The following LRRC3B variants were observed in gnomAD, a reference collection of about 807,000 sequenced individuals.
LRRC3B encodes the protein leucine rich repeat containing 3B.
A neutral mutation model predicts 12.8 loss-of-function variants in LRRC3B; 2 were observed. The ratio of observed to expected loss-of-function variants is 0.16; its 90% CI spans 0.06 to 0.49. The LOEUF (loss-of-function observed/expected upper bound fraction) is 0.49, where lower values mean the gene tolerates loss of function less well. Ranked by LOEUF, LRRC3B falls within the 20% of genes least tolerant of loss-of-function variation. The pLI, the probability that LRRC3B is intolerant of heterozygous loss-of-function variation, is 0.96. For synonymous variants in LRRC3B, 132 were observed against 122.0 expected (o/e 1.08, Z -0.54); for missense variants, 189 against 319.4 (o/e 0.59, Z 3.11).
At chr3:26,651,121 G>C (rs1041415270) in intron 1 of LRRC3B, among the ~76,000 whole-genome samples, 5 of 152,186 alleles carry the variant, frequency 3.3e-5, no homozygotes, top group South Asian at 4.1e-4. Context: ...TCCATTCCAT[G>C]ATGATCACTG....
chr3:26,685,542 T>G (rs1337957039), intron 1 of LRRC3B, among the ~76,000 whole-genome samples: 6 of 128,418 alleles, frequency 4.7e-5, no homozygotes, highest in Non-Finnish European at 1.0e-4. Flanking sequence ...TATATATATA[T>G]ATATATATAT....
At chr3:26,658,250 G>C (rs1404831526) in intron 1 of LRRC3B, among the ~76,000 whole-genome samples, 1 of 151,990 alleles carries the variant, frequency 6.6e-6, no homozygotes, top group Non-Finnish European at 1.5e-5. Context: ...AGTAGAGACG[G>C]GGTTTCACCA....
At chr3:26,702,112 A>G (rs1315267970) in intron 1 of LRRC3B, among the ~76,000 whole-genome samples, 4 of 152,184 alleles carry the variant, frequency 2.6e-5, no homozygotes, top group Non-Finnish European at 5.9e-5. Flanking sequence ...TAAAATGGGT[A>G]AAACAGTGAC....
chr3:26,636,672 G>A (rs1263376785), intron 1 of LRRC3B, among the ~76,000 whole-genome samples: 2 of 152,024 alleles, frequency 1.3e-5, no homozygotes, highest in African/African-American at 2.4e-5. Flanking sequence ...TGCCAGGGGT[G>A]TTTCTAAATG....
intron 1 of LRRC3B, among the ~76,000 whole-genome samples, chr3:26,686,607 A>G (rs1700093880): frequency 6.6e-6 from 1 of 152,220 alleles, no homozygotes; most frequent in Non-Finnish European, 1.5e-5. Flanking sequence ...TATTCAGCTC[A>G]GAAAAAAAGT....
chr3:26,653,928 A>T (rs1372586949), intron 1 of LRRC3B, among the ~76,000 whole-genome samples: 1 of 152,104 alleles, frequency 6.6e-6, no homozygotes, highest in Non-Finnish European at 1.5e-5. Flanking sequence ...GAAAAAGTTT[A>T]TAATGCCCAT....
intron 1 of LRRC3B, among the ~76,000 whole-genome samples, chr3:26,633,360 T>C (rs1187819362): frequency 6.6e-6 from 1 of 152,212 alleles, no homozygotes; most frequent in East Asian, 1.9e-4. Flanking sequence ...AATAGGTAGT[T>C]GTGAGGCTTA....
chr3:26,646,290 T>C (rs1381537678), intron 1 of LRRC3B, among the ~76,000 whole-genome samples: 1 of 152,150 alleles, frequency 6.6e-6, no homozygotes. Context: ...TTATCTGCTT[T>C]TACTAATTCA....
chr3:26,636,806 TTCCCTCCC>T lies in LRRC3B; in HGVS notation c.-161+13595_-161+13602del, dbSNP rs538189205. ...AACTGGAGAGTGCTGTAGTCTTTCT[TTCCCTCCC>T]TCCCTCCCTCCCTCCCTCCCTCCCT... is the stretch of plus-strand genomic sequence containing the variant. On this transcript the variant is annotated intron_variant, in intron 1 of 1. Coordinates refer to ENST00000396641, the Ensembl canonical transcript of LRRC3B. Among the ~76,000 whole-genome samples the T allele has an allele frequency of 2.5e-4, 20 of 78,610 alleles. 2 individuals are homozygous for T. In the South Asian group the frequency reaches 6.8e-3, roughly 27 times the overall value. 51.6% of individuals were successfully genotyped at this position (78,610 alleles called of 152,430 possible). A position where few individuals can be genotyped will look rare whatever the true frequency, so the allele number is the denominator to read the frequency against.
rs547084358 is a variant in LRRC3B, at chr3:26,665,068, G to T, written c.-161+41831G>T. Among the ~76,000 whole-genome samples, 3 of 151,980 alleles carry T rather than the reference G, an allele frequency of 2.0e-5. No homozygotes were observed. In the South Asian group the frequency reaches 6.2e-4, roughly 32 times the overall value. The stretch of plus-strand genomic sequence containing the variant: ...AGCCTAAGGGCCATCCTACCATAAA[G>T]GTACGGTCAGGCTTTTGGGAGTGAA... On this transcript the variant is annotated intron_variant, in intron 1 of 1. Transcript: ENST00000396641.
chr3:26,636,158 C>T lies in LRRC3B; in HGVS notation c.-161+12921C>T, dbSNP rs568254674. Among the ~76,000 whole-genome samples the T allele has an allele frequency of 3.3e-5, 5 of 152,216 alleles. No homozygotes were observed. The East Asian group carries it at 7.7e-4, about 24-fold the overall frequency. On this transcript the variant is annotated intron_variant, in intron 1 of 1. Transcript: ENST00000396641. ...CATCAAGATCTCTTAGAACCATTCC[C>T]TATAAAGAGATGCTGAGTGGAGCTG...
At chr3:26,652,171 C>A (rs17018481) in intron 1 of LRRC3B, among the ~76,000 whole-genome samples, 11,987 of 152,228 alleles carry the variant, frequency 0.079, 645 homozygotes, top group South Asian at 0.18. Flanking sequence ...GTTTTTCAAC[C>A]AGCTAAGGTA....
intron 1 of LRRC3B, among the ~76,000 whole-genome samples, chr3:26,630,917 G>C (rs1176271877): frequency 1.3e-5 from 2 of 152,108 alleles, no homozygotes; most frequent in African/African-American, 2.4e-5. Flanking sequence ...GGACAGGCCC[G>C]GGCAAATGGT....
intron 1 of LRRC3B, among the ~76,000 whole-genome samples, chr3:26,682,079 C>T (rs1398122033): frequency 6.6e-6 from 1 of 151,070 alleles, no homozygotes; most frequent in African/African-American, 2.4e-5. Context: ...GTGGTCTCTC[C>T]CTCTCTCTCT....
At chr3:26,690,904 A>G (rs1700175041) in intron 1 of LRRC3B, among the ~76,000 whole-genome samples, 1 of 151,780 alleles carries the variant, frequency 6.6e-6, no homozygotes, top group African/African-American at 2.4e-5. Flanking sequence ...TTACATTGCC[A>G]TTGATACTAT....
chr3:26,631,107 T>A (rs1698748013), intron 1 of LRRC3B, among the ~76,000 whole-genome samples: 2 of 152,120 alleles, frequency 1.3e-5, no homozygotes, highest in South Asian at 4.1e-4. Context: ...TGGAAAAGGA[T>A]CCTTTATCAG....
rs1020173058 is a variant in LRRC3B at position 26,688,791 on chromosome 3, G to A, written c.-160-20722G>A. Among the ~76,000 whole-genome samples the A allele has an allele frequency of 2.6e-5, 4 of 152,264 alleles. 1 individual carries two copies. The highest frequency in any genetic ancestry group is 3.9e-4 in the East Asian group (2 of 5,184). On this transcript the variant is annotated intron_variant, in intron 1 of 1. Transcript: ENST00000396641. ...CAATTGAAAATGAGATTTGAGTGGG[G>A]ACACAGATCCAGATCATATCACCAT... is the stretch of plus-strand genomic sequence containing the variant.
At chr3:26,637,323 G>GT (rs1264473644) in intron 1 of LRRC3B, among the ~76,000 whole-genome samples, 1 of 152,182 alleles carries the variant, frequency 6.6e-6, no homozygotes, top group Non-Finnish European at 1.5e-5. Flanking sequence ...AGAAAAATTA[G>GT]TGGTAATTTA....
chr3:26,709,919 A>C, exon 2 of LRRC3B: 3 of 1,614,058 alleles, frequency 1.9e-6, no homozygotes, highest in Non-Finnish European at 2.5e-6. Flanking sequence ...TCCCAATGAA[A>C]TTTTTAAGGA....
Sources: gnomAD v4.1 joint callset for allele counts (sites outside exome capture counted in the v4.1 genomes callset) on GRCh38, gnomAD v4.1.1 for gene constraint, MANE v1.5 for transcripts, NCBI Gene and HGNC (gene_info 2026-07-23, HGNC 2026-07-21) for gene names.